HDLBP: variants seen among roughly 807,000 people sequenced by gnomAD.
HDLBP encodes vigilin.
In HDLBP, 30 loss-of-function variants were observed where a neutral mutation model predicts 137.3. That is an observed-to-expected ratio of 0.22 (90% CI 0.16 to 0.30). The LOEUF (loss-of-function observed/expected upper bound fraction) is 0.30, where lower values mean the gene tolerates loss of function less well. Among genes scored for constraint, HDLBP ranks in the 10% least tolerant of loss-of-function variants. The pLI is 1.00. For synonymous variants in HDLBP, 606 were observed against 596.0 expected, an observed-to-expected ratio of 1.02 and a Z score of -0.24; for missense variants, 1,119 against 1,667.3, an observed-to-expected ratio of 0.67 and a Z score of 5.73.
chr2:241,263,391 A>G (rs2073364358), intron 4 of HDLBP, among the ~76,000 whole-genome samples: 1 of 152,196 alleles, frequency 6.6e-6, no homozygotes, highest in Admixed American at 6.5e-5. Context: ...CCCACCCTGT[A>G]GTAAAAGTCA....
rs948824173 is a variant in HDLBP at position 241,230,343 on chromosome 2, A to G, written c.3475-74T>C. On this transcript the variant is annotated intron_variant, in intron 25 of 27. Coordinates refer to ENST00000310931, the MANE Select transcript of HDLBP (RefSeq NM_005336.6). The surrounding 1 kb of genome is among the most constrained non-coding windows in gnomAD (Gnocchi z 5.0). Reference sequence around the variant, plus strand: ...GGGTTAAAATTATGTGTCAATTTCTAGTGAAGCATTTTCTGAGTTAGCAAA... The same window carrying G: ...GGGTTAAAATTATGTGTCAATTTCTGGTGAAGCATTTTCTGAGTTAGCAAA... 1.1e-6 allele frequency: 1 copy of G among 941,594 alleles called. No homozygotes were observed. The highest frequency in any genetic ancestry group is 2.4e-5 in the East Asian group (1 of 40,952). The allele number at this position is 941,594 out of a possible 1,614,324, so 58.3% of individuals were successfully genotyped here.
rs755839436 is a variant in HDLBP, at chr2:241,238,779, C to G, written c.2619G>C (p.Gln873His). 5 of 1,506,832 alleles carry G rather than the reference C, an allele frequency of 3.3e-6. No homozygotes were observed. Among genetic ancestry groups the G allele is most frequent in the Middle Eastern group, 1.8e-4 (1 of 5,646 alleles). 93.3% of individuals were successfully genotyped at this position (1,506,832 alleles called of 1,614,324 possible). Residue 873 changes from glutamine to histidine, a missense_variant, in exon 20 of 28, where the codon CAG (glutamine) becomes CAC (histidine). Gln to His is a conservative substitution (Grantham distance 24). Around this residue, in one of 4 missense-constraint regions of HDLBP, gnomAD observed 618 missense variants for 816.7 expected, o/e 0.76. Coordinates refer to ENST00000310931, the MANE Select transcript of HDLBP (RefSeq NM_005336.6). This position sits in a 1 kb window ranked among gnomAD's most constrained non-coding sequence, Gnocchi z 4.9. Reference protein sequence around the residue: ...IQEIIEDLEAQVTLECAIPQK... With the variant: ...IQEIIEDLEAHVTLECAIPQK... ...GGGGTATAGCACATTCTAATGTCAC[C>G]TGAGCTTCCTGGAGGGAGGTACACA...
chr2:241,235,524 C>T lies in HDLBP; in HGVS notation c.2975G>A (p.Gly992Glu), dbSNP rs776511784. The change falls in exon 22 of 28, where the codon GGA becomes GAA. Residue 992 changes from glycine (G) to glutamate (E), a missense_variant. Physicochemically the swap from Gly to Glu is moderately conservative, Grantham distance 98. This residue lies in a region of HDLBP where 618 missense variants were observed against 816.7 expected (regional missense o/e 0.76). Coordinates refer to ENST00000310931, the MANE Select transcript of HDLBP (RefSeq NM_005336.6). The stretch of plus-strand genomic sequence containing the variant: ...ATCCATCATCTTGCGGATCCCACTT[C>T]CTTTCTGCCCAATAACGTAACGGTG... Reference protein sequence around the residue: ...DLHRYVIGQKGSGIRKMMDEF... With the variant: ...DLHRYVIGQKESGIRKMMDEF... 6.2e-7 allele frequency: 1 copy of T among 1,614,162 alleles called. No individual in the cohort carries two copies.
intron 4 of HDLBP, 53 bp from the exon 5 acceptor site, chr2:241,262,979 C>A: frequency 1.5e-6 from 2 of 1,368,600 alleles, no homozygotes; most frequent in African/African-American, 1.4e-5. Context: ...AGAAGGCCAA[C>A]AGATAGGGAG....
intron 1 of HDLBP, among the ~76,000 whole-genome samples, chr2:241,311,283 C>T (rs1251641958): frequency 1.3e-5 from 2 of 152,186 alleles, no homozygotes; most frequent in African/African-American, 4.8e-5. Flanking sequence ...GACCGCGGAG[C>T]AAAATGATGT....
intron 1 of HDLBP, among the ~76,000 whole-genome samples, chr2:241,290,440 G>A (rs761652528): frequency 3.3e-5 from 5 of 152,048 alleles, no homozygotes; most frequent in Admixed American, 2.0e-4. Flanking sequence ...GAGGAACCCC[G>A]TCTCTACTAA....
chr2:241,311,126 A>T lies in HDLBP; in HGVS notation c.-103+4444T>A, dbSNP rs553579329. 2.6e-5 allele frequency among the ~76,000 whole-genome samples: 4 copies of T among 152,150 alleles called. No homozygotes were observed. The East Asian group carries it at 7.7e-4, about 29-fold the overall frequency. ...AAGACGCTGTGTCTCAAAAAAAAACAAAAGAAAGAAAGAAGAAAAAAAAGA... is the reference window on the plus strand; with the variant it reads ...AAGACGCTGTGTCTCAAAAAAAAACTAAAGAAAGAAAGAAGAAAAAAAAGA... On this transcript the variant is annotated intron_variant, in intron 1 of 27. Transcript: ENST00000310931.
At chr2:241,287,285 A>G (rs62186400) in intron 1 of HDLBP, among the ~76,000 whole-genome samples, 17,390 of 151,186 alleles carry the variant, frequency 0.12, 1,221 homozygotes, top group Admixed American at 0.16. Flanking sequence ...TGATTTTTGT[A>G]TTCTTAGTAG....
At chr2:241,300,149 C>G (rs750406807) in intron 1 of HDLBP, among the ~76,000 whole-genome samples, 41 of 152,098 alleles carry the variant, frequency 2.7e-4, no homozygotes, top group Non-Finnish European at 5.3e-4. Context: ...ACAGCACAAC[C>G]TAGATATGCA....
At chr2:241,237,765 T>G (rs1402806589) in intron 20 of HDLBP, among the ~76,000 whole-genome samples, 1 of 152,220 alleles carries the variant, frequency 6.6e-6, no homozygotes, top group African/African-American at 2.4e-5. Flanking sequence ...AAGAAACTGG[T>G]GCCACAGGAT....
intron 16 of HDLBP, 47 bp from the exon 17 acceptor site, chr2:241,242,725 A>G: frequency 1.3e-6 from 2 of 1,482,520 alleles, no homozygotes; most frequent in Non-Finnish European, 1.9e-6. Flanking sequence ...TTTTTGTGGC[A>G]AAAAGGGCAG....
intron 1 of HDLBP, among the ~76,000 whole-genome samples, chr2:241,278,008 C>T (rs77580696): frequency 2.6e-5 from 4 of 151,972 alleles, no homozygotes; most frequent in Admixed American, 6.6e-5. Flanking sequence ...AACAAAAAGG[C>T]GGGTCTCCAA....
At position 241,238,932 on chromosome 2, in the gene HDLBP, CCAGGCGCA is replaced by C; in HGVS notation, c.2611-153_2611-146del. 1.6e-6 allele frequency: 1 copy of C among 614,346 alleles called. No homozygotes were observed. Among genetic ancestry groups the C allele is most frequent in the East Asian group, 2.9e-5 (1 of 34,354 alleles). The allele number at this position is 614,346 out of a possible 1,614,324, so 38.1% of individuals were successfully genotyped here. A position where few individuals can be genotyped will look rare whatever the true frequency, so the allele number is the denominator to read the frequency against. On this transcript the variant is annotated intron_variant, in intron 19 of 27. Transcript: ENST00000310931. This position sits in a 1 kb window ranked among gnomAD's most constrained non-coding sequence, Gnocchi z 4.9. Reference sequence around the variant, plus strand: ...CTCCCCTTCTCCCGAGTCCAGGGCTCCAGGCGCAGGGAGGAGGGAGGTAGCAGGACAGG... The same window carrying C: ...CTCCCCTTCTCCCGAGTCCAGGGCTCGGGAGGAGGGAGGTAGCAGGACAGG...
At chr2:241,262,286 G>A (rs1048756076) in intron 5 of HDLBP, among the ~76,000 whole-genome samples, 6 of 152,146 alleles carry the variant, frequency 3.9e-5, no homozygotes, top group Non-Finnish European at 7.4e-5. Flanking sequence ...TCTGGGACAA[G>A]CTTCTAATTT....
Position 241,235,156 on chromosome 2 carries a change from G to T in HDLBP, c.3109C>A (p.Arg1037Ser), listed in dbSNP as rs778670196. Residue 1037 changes from arginine to serine, a missense_variant, in exon 23 of 28, where the codon CGT becomes AGT. Physicochemically the swap from Arg to Ser is moderately radical, Grantham distance 110 (BLOSUM62 -1). Coordinates refer to ENST00000310931, the MANE Select transcript of HDLBP (RefSeq NM_005336.6). ...TGCTCGGCCTGTAGCTCCTTCACAC[G>T]CTCCAGCAGTCCAGCCTTGGCCCGG... ...LDRAKAGLLE[R>S]VKELQAEQED... 1 of 1,613,954 alleles carries T rather than the reference G, an allele frequency of 6.2e-7. No individual in the cohort carries two copies. Among genetic ancestry groups the T allele is most frequent in the Non-Finnish European group, 8.5e-7 (1 of 1,180,018 alleles).
chr2:241,264,679 G>A, intron 3 of HDLBP, 74 bp from the exon 4 acceptor site: 2 of 1,422,656 alleles, frequency 1.4e-6, no homozygotes, highest in Non-Finnish European at 2.0e-6. Flanking sequence ...AAGGGTTTTA[G>A]TGCTTAAAAA....
intron 1 of HDLBP, among the ~76,000 whole-genome samples, chr2:241,279,043 A>C (rs1017475474): frequency 9.2e-6 from 1 of 108,872 alleles, no homozygotes; most frequent in African/African-American, 3.4e-5. Flanking sequence ...CCCTCTAAAA[A>C]AATTTTTTAA....
chr2:241,292,819 A>C (rs2075051941), intron 1 of HDLBP, among the ~76,000 whole-genome samples: 2 of 152,212 alleles, frequency 1.3e-5, no homozygotes, highest in Admixed American at 1.3e-4. Flanking sequence ...GGTTTAAAAA[A>C]GGAAAAGAAA....
Position 241,240,731 on chromosome 2 carries a change from G to T in HDLBP, c.2170-609C>A, listed in dbSNP as rs373231465. On this transcript the variant is annotated intron_variant, in intron 17 of 27. Coordinates refer to ENST00000310931, the MANE Select transcript of HDLBP (RefSeq NM_005336.6). This position sits in a 1 kb window ranked among gnomAD's most constrained non-coding sequence, Gnocchi z 5.5. ...GACCGGTCCTCAGAGGCCTCGTGTA[G>T]TGCGACGCCCTTGTGTGGCAGTAAG... Among the ~76,000 whole-genome samples, 1 of 152,152 alleles carries T rather than the reference G, an allele frequency of 6.6e-6. No individual in the cohort carries two copies. The highest frequency in any genetic ancestry group is 1.9e-4 in the East Asian group (1 of 5,190).
Sources: gnomAD v4.1 joint callset for allele counts (sites outside exome capture counted in the v4.1 genomes callset) on GRCh38, gnomAD v4.1.1 for gene constraint, gnomAD v4.1.1 regional missense constraint, Gnocchi (gnomAD v3.1) non-coding constraint, MANE v1.5 for transcripts, NCBI Gene and HGNC (gene_info 2026-07-23, HGNC 2026-07-21) for gene names.